SPTB: variants seen among roughly 807,000 people sequenced by gnomAD.
The protein encoded by SPTB is spectrin beta chain, erythrocytic.
SPTB carries 45 observed loss-of-function variants against 256.2 expected under a neutral mutation model. The observed-to-expected ratio is 0.18, with a 90% CI of 0.14 to 0.23. SPTB has a LOEUF of 0.23. Among genes scored for constraint, SPTB ranks in the 10% least tolerant of loss-of-function variants. The pLI is 1.00. For synonymous variants in SPTB, 1,231 were observed against 1,243.1 expected (o/e 0.99, Z 0.21); for missense variants, 2,715 against 3,040.4 (o/e 0.89, Z 2.52).
intron 1 of SPTB, among the ~76,000 whole-genome samples, chr14:64,828,184 C>T (rs1020181941): frequency 1.3e-5 from 2 of 152,144 alleles, no homozygotes; most frequent in African/African-American, 4.8e-5. Flanking sequence ...CTTTACCAGA[C>T]ACTTCTACTC....
In SPTB at chr14:64,847,918, G is replaced by A. The variant is rs1015857046; in HGVS notation, c.-51-24773C>T. Among the ~76,000 whole-genome samples the A allele has an allele frequency of 1.3e-5, 2 of 152,136 alleles. No individual in the cohort carries two copies. Among genetic ancestry groups the A allele is most frequent in the African/African-American group, 4.8e-5 (2 of 41,422 alleles). ...CACCTCCGCTTCCTCCACTGTCCGTGGCCAGGTGATCGCATGCATCCTTCA... is the reference window on the plus strand; with the variant it reads ...CACCTCCGCTTCCTCCACTGTCCGTAGCCAGGTGATCGCATGCATCCTTCA... On this transcript the variant is annotated intron_variant, in intron 1 of 35. Coordinates refer to ENST00000644917, the MANE Select transcript of SPTB (RefSeq NM_001355436.2). The surrounding 1 kb of genome is among the most constrained non-coding windows in gnomAD (Gnocchi z 5.9).
intron 32 of SPTB, chr14:64,756,129 A>C (rs1372172569): frequency 6.6e-6 from 1 of 152,260 alleles, no homozygotes; most frequent in Non-Finnish European, 1.5e-5. Flanking sequence ...ACCGCAAGGC[A>C]GAACTCTCTA....
At chr14:64,820,534 G>T (rs2083268638) in intron 2 of SPTB, among the ~76,000 whole-genome samples, 1 of 152,212 alleles carries the variant, frequency 6.6e-6, no homozygotes, top group Non-Finnish European at 1.5e-5. Flanking sequence ...TAAGGCCCAG[G>T]CATACAATTC....
At chr14:64,767,490 T>C (rs1489838853) in intron 30 of SPTB, 138 bp from the exon 31 acceptor site, 3 of 1,419,896 alleles carry the variant, frequency 2.1e-6, no homozygotes. Context: ...CTTCTGTCCT[T>C]TGCATTCGGA....
At chr14:64,809,129 G>T (rs975895230) in intron 2 of SPTB, among the ~76,000 whole-genome samples, 2 of 151,772 alleles carry the variant, frequency 1.3e-5, no homozygotes, top group Admixed American at 1.3e-4. Context: ...AGGCATGGTG[G>T]CAAGAACCTG....
At chr14:64,874,133 T>C (rs1189224997) in intron 1 of SPTB, among the ~76,000 whole-genome samples, 1 of 152,224 alleles carries the variant, frequency 6.6e-6, no homozygotes, top group Non-Finnish European at 1.5e-5. Context: ...ACTTCTGCCA[T>C]GTGGAACTAC....
rs2082051833 is a variant in SPTB at position 64,758,741 on chromosome 14, CT to C, written c.6346-4949del. On this transcript the variant is annotated intron_variant, in intron 32 of 35. Coordinates refer to ENST00000644917, the MANE Select transcript of SPTB (RefSeq NM_001355436.2). This position sits in a 1 kb window ranked among gnomAD's most constrained non-coding sequence, Gnocchi z 4.6. Reference sequence around the variant, plus strand: ...AAGTGCACAAACAGCAGAGAGCAAGCTGGAGGGATGGCCAGATGCTGCTGGC... The same window carrying C: ...AAGTGCACAAACAGCAGAGAGCAAGCGGAGGGATGGCCAGATGCTGCTGGC... 6.6e-6 allele frequency among the ~76,000 whole-genome samples: 1 copy of C among 152,184 alleles called. No individual in the cohort carries two copies. Among genetic ancestry groups the C allele is most frequent in the South Asian group, 2.1e-4 (1 of 4,834 alleles).
chr14:64,753,920 C>CA (rs2081987093), intron 32 of SPTB, 127 bp from the exon 33 acceptor site: 1 of 1,282,694 alleles, frequency 7.8e-7, no homozygotes, highest in Admixed American at 1.9e-5. Context: ...TTTCTACTCC[C>CA]ACCTCCTGGC....
rs560592825 is a variant in SPTB, at chr14:64,853,330, G to T, written c.-52+26462C>A. On this transcript the variant is annotated intron_variant, in intron 1 of 35. Coordinates refer to ENST00000644917, the MANE Select transcript of SPTB (RefSeq NM_001355436.2). The surrounding 1 kb of genome is among the most constrained non-coding windows in gnomAD (Gnocchi z 4.3). ...AAGAGGGTTTAGGCTGCCCAGAATA[G>T]GAGCTGAGGGTGAACCCTGGAGAAC... Among the ~76,000 whole-genome samples the T allele has an allele frequency of 2.5e-4, 38 of 152,334 alleles. No homozygotes were observed. The highest frequency in any genetic ancestry group is 8.9e-4 in the African/African-American group (37 of 41,562).
At chr14:64,750,353 GTCT>G (rs1421907820) in intron 33 of SPTB, 199 bp from the exon 34 acceptor site, 3 of 601,432 alleles carry the variant, frequency 5.0e-6, no homozygotes, top group African/African-American at 4.0e-5. Context: ...ATTCCTTCTA[GTCT>G]TCACATTTTC....
chr14:64,774,058 A>C (rs2082318837), intron 24 of SPTB, among the ~76,000 whole-genome samples: 1 of 152,184 alleles, frequency 6.6e-6, no homozygotes, highest in Non-Finnish European at 1.5e-5. Context: ...GACCTTCTGG[A>C]CCATAAAAAT....
At chr14:64,752,325 G>A (rs2081964492) in intron 33 of SPTB, 7 of 1,206,054 alleles carry the variant, frequency 5.8e-6, no homozygotes, top group Non-Finnish European at 7.7e-6. Flanking sequence ...ACTTTTGAGG[G>A]CAGGAAGGTG....
rs562983546 is a variant in SPTB, at chr14:64,759,316, A to G, written c.6346-5523T>C. Among the ~76,000 whole-genome samples the G allele has an allele frequency of 1.3e-5, 2 of 152,310 alleles. No homozygotes were observed. Among genetic ancestry groups the G allele is most frequent in the Non-Finnish European group, 2.9e-5 (2 of 68,024 alleles). ...CCCCTGGCTGCGAACCTGCAGTGGG[A>G]GGCCTGTGGCCCTGTTGGATCAGTC... On this transcript the variant is annotated intron_variant, in intron 32 of 35. Coordinates refer to ENST00000644917, the MANE Select transcript of SPTB (RefSeq NM_001355436.2). The surrounding 1 kb of genome is among the most constrained non-coding windows in gnomAD (Gnocchi z 4.8).
At chr14:64,780,254 G>T (rs1238542623) in intron 20 of SPTB, among the ~76,000 whole-genome samples, 2 of 152,148 alleles carry the variant, frequency 1.3e-5, no homozygotes, top group Non-Finnish European at 2.9e-5. Context: ...TGTGCTCAAA[G>T]AAATCAGAGA....
At chr14:64,752,180 C>G (rs1378673552) in intron 33 of SPTB, 1 of 1,343,068 alleles carries the variant, frequency 7.4e-7, no homozygotes, top group Non-Finnish European at 9.8e-7. Context: ...AAACTGATAA[C>G]AGGTGGGCTA....
chr14:64,750,096 C>A lies in SPTB; in HGVS notation c.6661G>T (p.Ala2221Ser). The A allele has an allele frequency of 1.2e-6, 2 of 1,614,194 alleles. No individual in the cohort carries two copies. The change falls in exon 34 of 36, where the codon GCC (alanine) becomes TCC (serine). Residue 2221 changes from alanine (A) to serine (S), a missense_variant. Coordinates refer to ENST00000644917, the MANE Select transcript of SPTB (RefSeq NM_001355436.2). ...GGCATCCCCAGGGCCAGGTTCTTGG[C>A]ATCCTTGTAGAAGGTTAGCTCACTG... The part of the protein sequence containing the change: ...RNSELTFYKD[A>S]KNLALGMPYH...
At chr14:64,872,109 A>G (rs1882567112) in intron 1 of SPTB, among the ~76,000 whole-genome samples, 1 of 152,228 alleles carries the variant, frequency 6.6e-6, no homozygotes, top group African/African-American at 2.4e-5. Context: ...AAAGTCTGCC[A>G]AGACTATTCC....
rs895826127 is a variant in SPTB, at chr14:64,816,131, G to A, written c.148+6816C>T. Among the ~76,000 whole-genome samples the A allele has an allele frequency of 2.0e-5, 3 of 152,152 alleles. No individual in the cohort carries two copies. Among genetic ancestry groups the A allele is most frequent in the African/African-American group, 7.2e-5 (3 of 41,426 alleles). Reference sequence around the variant, plus strand: ...TAACCGTGTCATTTCCCTGCTGAAAGTACTTTGATGGGCTGGCAGCAGCTC... The same window carrying A: ...TAACCGTGTCATTTCCCTGCTGAAAATACTTTGATGGGCTGGCAGCAGCTC... On this transcript the variant is annotated intron_variant, in intron 2 of 35. Coordinates refer to ENST00000644917, the MANE Select transcript of SPTB (RefSeq NM_001355436.2). The surrounding 1 kb of genome is among the most constrained non-coding windows in gnomAD (Gnocchi z 4.2).
intron 1 of SPTB, among the ~76,000 whole-genome samples, chr14:64,839,460 G>A (rs961819058): frequency 1.3e-5 from 2 of 152,178 alleles, no homozygotes; most frequent in African/African-American, 2.4e-5. Flanking sequence ...AAAGGAGCAT[G>A]AGGGAATTTT....
Sources: gnomAD v4.1 joint callset for allele counts (sites outside exome capture counted in the v4.1 genomes callset) on GRCh38, gnomAD v4.1.1 for gene constraint, Gnocchi (gnomAD v3.1) non-coding constraint, MANE v1.5 for transcripts, NCBI Gene and HGNC (gene_info 2026-07-23, HGNC 2026-07-21) for gene names.